Variants in SIN3B observed in about 807,000 individuals in gnomAD.
SIN3B encodes paired amphipathic helix protein Sin3b.
SIN3B carries 19 observed loss-of-function variants against 120.2 expected under a neutral mutation model. The ratio of observed to expected loss-of-function variants is 0.16; its 90% CI spans 0.11 to 0.23. The LOEUF (loss-of-function observed/expected upper bound fraction) is 0.23, where lower values mean the gene tolerates loss of function less well. Ranked by LOEUF, SIN3B falls within the 10% of genes least tolerant of loss-of-function variation. The pLI is 1.00. For synonymous variants in SIN3B, 654 were observed against 653.2 expected (o/e 1.00, Z -0.02); for missense variants, 1,073 against 1,573.0 (o/e 0.68, Z 5.38).
At position 16,849,888 on chromosome 19, in the gene SIN3B, G is replaced by A. The variant is rs540564558; in HGVS notation, c.727-1524G>A. Among the ~76,000 whole-genome samples, 23 of 151,872 alleles carry A rather than the reference G, an allele frequency of 1.5e-4. No individual in the cohort carries two copies. The East Asian group carries it at 2.9e-3, about 19-fold the overall frequency. On this transcript the variant is annotated intron_variant, in intron 5 of 18. Coordinates refer to ENST00000248054, the MANE Select transcript of SIN3B (RefSeq NM_001297595.2). ...AGAGAATCACTTGAACCCAGGAGAC[G>A]GAGGTTGCACTGAGCTGAGATCGCA...
Position 16,878,809 on chromosome 19 carries a change from G to C in SIN3B, c.*82G>C. On this transcript the variant is annotated 3_prime_UTR_variant, in exon 19 of 19. Transcript: ENST00000248054. ...TTGGTCGTGTCGGGGCCGTTTTCTT[G>C]AACGACGTGAGAGGCATCTCCCAGC... 8.0e-7 allele frequency: 1 copy of C among 1,244,006 alleles called. No homozygotes were observed. Among genetic ancestry groups the C allele is most frequent in the Non-Finnish European group, 1.1e-6 (1 of 902,034 alleles). 77.1% of individuals were successfully genotyped at this position (1,244,006 alleles called of 1,614,324 possible). A position where few individuals can be genotyped will look rare whatever the true frequency, so the allele number is the denominator to read the frequency against.
chr19:16,867,117 AGGTAGT>A (rs962406571), intron 12 of SIN3B, among the ~76,000 whole-genome samples: 3 of 152,144 alleles, frequency 2.0e-5, no homozygotes, highest in Non-Finnish European at 4.4e-5. Context: ...ACTTTGGCTT[AGGTAGT>A]GGGTGGCAGC....
At chr19:16,845,856 G>GCC (rs1248152927) in intron 4 of SIN3B, among the ~76,000 whole-genome samples, 45 of 152,268 alleles carry the variant, frequency 3.0e-4, no homozygotes, top group African/African-American at 1.0e-3. Flanking sequence ...CAAGTAACTA[G>GCC]GACCACAGGA....
chr19:16,854,351 G>A (rs1303869595), intron 8 of SIN3B, 90 bp downstream of exon 8: 8 of 756,908 alleles, frequency 1.1e-5, no homozygotes, highest in Non-Finnish European at 1.7e-5. Context: ...TTTGAGCAAT[G>A]ATTGTGCTTT....
Position 16,878,964 on chromosome 19 carries a change from G to T in SIN3B, c.*237G>T. On this transcript the variant is annotated 3_prime_UTR_variant, in exon 19 of 19. Transcript: ENST00000248054. ...CCCTGGGGCTCAGCCCCACCACAGG[G>T]GCGGGTGGACGTGCTGGCCGAGGAA... The T allele has an allele frequency of 1.8e-6, 1 of 551,340 alleles. No individual in the cohort carries two copies. Among genetic ancestry groups the T allele is most frequent in the Non-Finnish European group, 3.2e-6 (1 of 313,138 alleles). 34.2% of individuals were successfully genotyped at this position (551,340 alleles called of 1,614,324 possible).
chr19:16,871,575 A>G, intron 14 of SIN3B, 177 bp downstream of exon 14: 1 of 599,016 alleles, frequency 1.7e-6, no homozygotes, highest in South Asian at 2.1e-5. Context: ...ACAGTTTGGT[A>G]ACATTTGGTA....
At chr19:16,854,448 C>T (rs1971586178) in intron 8 of SIN3B, 187 bp downstream of exon 8, 2 of 551,286 alleles carry the variant, frequency 3.6e-6, no homozygotes, top group African/African-American at 1.9e-5. Flanking sequence ...CCTGGGTACC[C>T]TCCAGCTGGT....
At position 16,865,460 on chromosome 19, in the gene SIN3B, T is replaced by G; in HGVS notation, c.1434T>G (p.Ser478Arg). The G allele has an allele frequency of 6.2e-7, 1 of 1,612,820 alleles. No individual in the cohort carries two copies. Among genetic ancestry groups the G allele is most frequent in the Non-Finnish European group, 8.5e-7 (1 of 1,179,102 alleles). The change falls in exon 11 of 19, where the codon AGT (serine) becomes AGG (arginine). Residue 478 changes from serine to arginine, a missense_variant. By Grantham distance (110) the Ser-to-Arg change is moderately radical. Around this residue, in one of 7 missense-constraint regions of SIN3B, gnomAD observed 118 missense variants for 281.6 expected, o/e 0.42. Transcript: ENST00000248054. ...TGGCCACAATCCGTGTGTTGGAAAG[T>G]GTGCAGAAGAAGCTGTCTCGGATGG... ...TNLATIRVLE[S>R]VQKKLSRMAP...
intron 3 of SIN3B, among the ~76,000 whole-genome samples, chr19:16,834,044 G>A (rs1415093273): frequency 6.6e-6 from 1 of 152,118 alleles, no homozygotes; most frequent in Non-Finnish European, 1.5e-5. Flanking sequence ...CTTTAAAGGG[G>A]AACTTGGAAG....
intron 8 of SIN3B, among the ~76,000 whole-genome samples, chr19:16,857,507 TA>T (rs996654070): frequency 3.1e-5 from 3 of 96,014 alleles, no homozygotes; most frequent in East Asian, 3.1e-4. Flanking sequence ...TGCATTAACT[TA>T]AAAAAAATAT....
rs779135981 is a variant in SIN3B at position 16,853,652 on chromosome 19, TTGC to T, written c.940-487_940-485del. 6.5e-4 allele frequency among the ~76,000 whole-genome samples: 99 copies of T among 151,360 alleles called. 1 individual carries two copies. Among genetic ancestry groups the T allele is most frequent in the African/African-American group, 2.3e-3 (93 of 41,110 alleles). On this transcript the variant is annotated intron_variant, in intron 7 of 18. Transcript: ENST00000248054. The stretch of plus-strand genomic sequence containing the variant: ...ACAGATGGCATGCATGGGCTGTGAA[TTGC>T]TGCATGGATTGCGTGCATGGGCTGT...
intron 14 of SIN3B, among the ~76,000 whole-genome samples, chr19:16,875,543 CTGGTCTGTT>C (rs1474223455): frequency 7.8e-6 from 1 of 128,900 alleles, no homozygotes; most frequent in Non-Finnish European, 1.6e-5. Flanking sequence ...TCTGTTTGGT[CTGGTCTGTT>C]TGGTCTGGTC....
chr19:16,838,259 A>G (rs983341649), intron 3 of SIN3B, among the ~76,000 whole-genome samples: 21 of 152,298 alleles, frequency 1.4e-4, no homozygotes, highest in Middle Eastern at 6.8e-3. Flanking sequence ...AAGTGTTAGT[A>G]TATTCACAAT....
chr19:16,831,339 A>G (rs1428366784), intron 2 of SIN3B, among the ~76,000 whole-genome samples, 155 bp from the exon 3 acceptor site: 1 of 152,176 alleles, frequency 6.6e-6, no homozygotes, highest in Non-Finnish European at 1.5e-5. Flanking sequence ...CTGGGATTAC[A>G]GGCATGAGCC....
chr19:16,835,519 A>C (rs1186494781), intron 3 of SIN3B, among the ~76,000 whole-genome samples: 1 of 128,054 alleles, frequency 7.8e-6, no homozygotes. Context: ...TTTTACTTTA[A>C]TTGAATTATT....
At chr19:16,865,316 C>G (rs552732362) in intron 10 of SIN3B, 94 bp from the exon 11 acceptor site, 72 of 543,712 alleles carry the variant, frequency 1.3e-4, no homozygotes, top group Non-Finnish European at 2.2e-4. Flanking sequence ...ACCCCCCCCC[C>G]AAAAAAATCC....
chr19:16,831,156 G>A (rs769482864), intron 2 of SIN3B, among the ~76,000 whole-genome samples: 1 of 151,534 alleles, frequency 6.6e-6, no homozygotes, highest in Admixed American at 6.6e-5. Flanking sequence ...TCCGCCTCCC[G>A]GGTGCAAGTG....
At chr19:16,855,370 T>TCCCCCCCCCC (rs56055685) in intron 8 of SIN3B, 4 of 52,944 alleles carry the variant, frequency 7.6e-5, no homozygotes, top group African/African-American at 9.1e-5. Context: ...GGAGAAACCT[T>TCCCCCCCCCC]CCCCCCCCCC....
chr19:16,850,838 G>A (rs890564656), intron 5 of SIN3B, among the ~76,000 whole-genome samples: 2 of 152,246 alleles, frequency 1.3e-5, no homozygotes, highest in Non-Finnish European at 2.9e-5. Flanking sequence ...TCCTCGACCT[G>A]TTAGCCGATG....
Sources: allele counts gnomAD v4.1 joint callset (sites outside exome capture counted in the v4.1 genomes callset), GRCh38; gene constraint gnomAD v4.1.1; regional missense constraint gnomAD v4.1.1; transcripts MANE v1.5; gene names NCBI Gene and HGNC (gene_info 2026-07-23, HGNC 2026-07-21).